Variants in CRLS1 observed in about 807,000 individuals in gnomAD.
CRLS1 encodes cardiolipin synthase (CMP-forming).
In CRLS1, 24 loss-of-function variants were observed where a neutral mutation model predicts 37.0. The observed-to-expected ratio is 0.65, with a 90% confidence interval of 0.47 to 0.91. The LOEUF (loss-of-function observed/expected upper bound fraction) is 0.91, where lower values mean the gene tolerates loss of function less well. Among genes scored for constraint, CRLS1 ranks in the 40% least tolerant of loss-of-function variants. The pLI is 0.00. For missense variants in CRLS1, 373 were observed against 395.8 expected, an observed-to-expected ratio of 0.94 and a Z score of 0.49; for synonymous variants, 135 against 159.7, an observed-to-expected ratio of 0.85 and a Z score of 1.17.
intron 2 of CRLS1, among the ~76,000 whole-genome samples, chr20:6,014,077 T>A (rs573985322): frequency 6.6e-6 from 1 of 152,344 alleles, no homozygotes; most frequent in African/African-American, 2.4e-5. Context: ...GAAATAGATT[T>A]TTTCAGTTGC....
At chr20:6,028,973 G>A (rs887582633) in intron 3 of CRLS1, among the ~76,000 whole-genome samples, 2 of 152,180 alleles carry the variant, frequency 1.3e-5, no homozygotes, top group Non-Finnish European at 2.9e-5. Flanking sequence ...AACCACAGTA[G>A]GAGCCCATAT....
intron 1 of CRLS1, among the ~76,000 whole-genome samples, chr20:6,009,379 C>G (rs2090102419): frequency 6.6e-6 from 1 of 151,892 alleles, no homozygotes. Context: ...ACACCTTACC[C>G]TGTGTTTCGG....
At chr20:6,019,369 A>G (rs960549798) in intron 3 of CRLS1, among the ~76,000 whole-genome samples, 2 of 152,020 alleles carry the variant, frequency 1.3e-5, no homozygotes, top group African/African-American at 4.8e-5. Context: ...TGGTATCCTC[A>G]TTAACTTTAT....
intron 2 of CRLS1, among the ~76,000 whole-genome samples, chr20:6,010,410 G>A (rs182465331): frequency 6.6e-6 from 1 of 152,320 alleles, no homozygotes; most frequent in East Asian, 1.9e-4. Context: ...TTTCATGCTA[G>A]CAGAAGGCTG....
chr20:6,014,638 G>C (rs1387656751), intron 2 of CRLS1, among the ~76,000 whole-genome samples: 1 of 152,130 alleles, frequency 6.6e-6, no homozygotes, highest in Non-Finnish European at 1.5e-5. Context: ...TTAGGATGGA[G>C]ACCTGGGTTT....
chr20:6,017,310 T>C (rs963091380), intron 3 of CRLS1, among the ~76,000 whole-genome samples: 1 of 152,258 alleles, frequency 6.6e-6, no homozygotes, highest in Non-Finnish European at 1.5e-5. Flanking sequence ...ATCATTTGGA[T>C]ACCTTTTCCT....
At chr20:6,016,362 G>A (rs906589541) in intron 3 of CRLS1, among the ~76,000 whole-genome samples, 4 of 152,038 alleles carry the variant, frequency 2.6e-5, no homozygotes, top group Non-Finnish European at 4.4e-5. Flanking sequence ...TTAAGTTCTC[G>A]TACCAAAATA....
In CRLS1 at chr20:6,034,573, TC is replaced by T; in HGVS notation, c.821+19del. The T allele has an allele frequency of 6.5e-7, 1 of 1,529,234 alleles. No homozygotes were observed. Among genetic ancestry groups the T allele is most frequent in the Non-Finnish European group, 9.0e-7 (1 of 1,106,322 alleles). 94.7% of individuals were successfully genotyped at this position (1,529,234 alleles called of 1,614,324 possible). On this transcript the variant is annotated intron_variant, in intron 6 of 6. Transcript: ENST00000378863. ...ATACTATGGTAAGCTAAATTTAGAATCACTCTCTTAGAATGTCAACAGAATG... is the reference window on the plus strand; with the variant it reads ...ATACTATGGTAAGCTAAATTTAGAATACTCTCTTAGAATGTCAACAGAATG...
Position 6,031,462 on chromosome 20 carries a change from T to C in CRLS1, c.660+92T>C, listed in dbSNP as rs551426286. The C allele has an allele frequency of 3.5e-5, 32 of 909,754 alleles. No individual in the cohort carries two copies. In the African/African-American group the frequency reaches 4.1e-4, roughly 12 times the overall value. The allele number at this position is 909,754 out of a possible 1,614,324, so 56.4% of individuals were successfully genotyped here. A position where few individuals can be genotyped will look rare whatever the true frequency, so the allele number is the denominator to read the frequency against. On this transcript the variant is annotated intron_variant, in intron 4 of 6. Coordinates refer to ENST00000378863, the MANE Select transcript of CRLS1 (RefSeq NM_019095.6). ...TATTTTTGCGTCAACATCTTTTCAA[T>C]TGATGGCACGTGAAACCCAGACTAG...
intron 2 of CRLS1, among the ~76,000 whole-genome samples, chr20:6,014,304 G>A (rs1373549231): frequency 2.0e-5 from 3 of 152,160 alleles, no homozygotes; most frequent in African/African-American, 7.2e-5. Context: ...AACAGCTTCT[G>A]TTCTGCTACA....
At position 6,039,183 on chromosome 20, in the gene CRLS1, G is replaced by A. The variant is rs920158619; in HGVS notation, c.*2025G>A. On this transcript the variant is annotated 3_prime_UTR_variant, in exon 7 of 7. Transcript: ENST00000378863. ...ATTTTAGTCGGGGCCTCATTCCTGAGCCCAAGTGACCCTTTCACCTCAGCT... is the reference window on the plus strand; with the variant it reads ...ATTTTAGTCGGGGCCTCATTCCTGAACCCAAGTGACCCTTTCACCTCAGCT... 3 of 152,102 alleles carry A rather than the reference G, an allele frequency of 2.0e-5. No homozygotes were observed. Among genetic ancestry groups the A allele is most frequent in the Admixed American group, 2.0e-4 (3 of 15,270 alleles). The allele number at this position is 152,102 out of a possible 1,614,324, so 9.4% of individuals were successfully genotyped here.
At chr20:6,007,470 G>T in intron 1 of CRLS1, 1 of 1,514,954 alleles carries the variant, frequency 6.6e-7, no homozygotes, top group Middle Eastern at 1.7e-4. Context: ...AACTTTTACG[G>T]ATTTAATGAT....
chr20:6,018,231 A>G (rs1978920748), intron 3 of CRLS1, among the ~76,000 whole-genome samples: 1 of 151,710 alleles, frequency 6.6e-6, no homozygotes, highest in Non-Finnish European at 1.5e-5. Flanking sequence ...AAAAAAAAAA[A>G]AAAAAATTAT....
intron 1 of CRLS1, chr20:6,006,778 C>T: frequency 1.0e-6 from 1 of 985,402 alleles, no homozygotes; most frequent in Non-Finnish European, 1.2e-6. Context: ...CCTCTCATCC[C>T]CCTTCTATCT....
intron 6 of CRLS1, among the ~76,000 whole-genome samples, chr20:6,036,598 C>G (rs561740670): frequency 2.8e-4 from 42 of 152,304 alleles, no homozygotes; most frequent in African/African-American, 9.6e-4. Flanking sequence ...AGCATGTGGG[C>G]TTTAGAGTTC....
intron 1 of CRLS1, among the ~76,000 whole-genome samples, chr20:6,008,011 AT>A (rs1181831526): frequency 6.6e-6 from 1 of 151,690 alleles, no homozygotes; most frequent in African/African-American, 2.4e-5. Flanking sequence ...AGCAATAACT[AT>A]TTAATTATCC....
intron 3 of CRLS1, chr20:6,016,112 G>A (rs1978724656): frequency 6.5e-6 from 1 of 153,822 alleles, no homozygotes; most frequent in South Asian, 2.0e-4. Context: ...CAAGAGCTAG[G>A]AATCATATCT....
At chr20:6,033,070 CATTTT>C (rs1210073488) in intron 5 of CRLS1, among the ~76,000 whole-genome samples, 4 of 150,508 alleles carry the variant, frequency 2.7e-5, no homozygotes, top group East Asian at 1.9e-4. Flanking sequence ...ATAAAATTTA[CATTTT>C]ATTTTATTTT....
chr20:6,006,778 C>G (rs1182425677), intron 1 of CRLS1: 2 of 985,402 alleles, frequency 2.0e-6, no homozygotes, highest in Non-Finnish European at 2.4e-6. Flanking sequence ...CCTCTCATCC[C>G]CCTTCTATCT....
Sources: allele counts gnomAD v4.1 joint callset (sites outside exome capture counted in the v4.1 genomes callset), GRCh38; gene constraint gnomAD v4.1.1; transcripts MANE v1.5; gene names NCBI Gene and HGNC (gene_info 2026-07-23, HGNC 2026-07-21).